L3MBTL3: variants seen among roughly 807,000 people sequenced by gnomAD.
L3MBTL3 encodes the protein L3MBTL histone methyl-lysine binding protein 3.
A neutral mutation model predicts 102.3 loss-of-function variants in L3MBTL3; 27 were observed. The observed-to-expected ratio is 0.26, with a 90% CI of 0.19 to 0.36. The LOEUF (loss-of-function observed/expected upper bound fraction) is 0.36. Ranked by LOEUF, L3MBTL3 falls within the 10% of genes least tolerant of loss-of-function variation. The pLI is 1.00. For missense variants in L3MBTL3, 798 were observed against 955.3 expected, an observed-to-expected ratio of 0.84 and a Z score of 2.17; for synonymous variants, 340 against 320.9, an observed-to-expected ratio of 1.06 and a Z score of -0.64.
intron 17 of L3MBTL3, among the ~76,000 whole-genome samples, chr6:130,093,538 A>C (rs532738251): frequency 6.3e-4 from 96 of 152,334 alleles, no homozygotes; most frequent in Non-Finnish European, 1.2e-3. Context: ...GCCTATTTAG[A>C]ATAACAAAGC....
At chr6:130,081,889 C>A (rs1450496178) in intron 14 of L3MBTL3, among the ~76,000 whole-genome samples, 3 of 152,126 alleles carry the variant, frequency 2.0e-5, no homozygotes, top group African/African-American at 7.2e-5. Flanking sequence ...GTTGTCAGAT[C>A]CCTCCAGCTT....
chr6:130,086,055 C>G, intron 15 of L3MBTL3, 85 bp from the exon 16 acceptor site: 1 of 980,204 alleles, frequency 1.0e-6, no homozygotes, highest in Non-Finnish European at 1.6e-6. Flanking sequence ...GCCTGGCCAG[C>G]TTTTTCTTCT....
intron 19 of L3MBTL3, among the ~76,000 whole-genome samples, chr6:130,108,253 T>TTTTTTTTG (rs1785121699): frequency 8.4e-6 from 1 of 118,450 alleles, no homozygotes; most frequent in Non-Finnish European, 1.8e-5. Flanking sequence ...TTTTTTTTTT[T>TTTTTTTTG]AGATGGAGTC....
chr6:130,093,924 G>T (rs1247134918), intron 17 of L3MBTL3, among the ~76,000 whole-genome samples: 1 of 152,154 alleles, frequency 6.6e-6, no homozygotes, highest in Non-Finnish European at 1.5e-5. Context: ...CTTTAATTAT[G>T]TTATTTACTT....
chr6:130,058,472 T>TAAA (rs111300227), intron 9 of L3MBTL3, among the ~76,000 whole-genome samples: 4 of 132,976 alleles, frequency 3.0e-5, no homozygotes, highest in African/African-American at 5.6e-5. Context: ...ACTCGGCCTC[T>TAAA]AAAAAAAAAA....
intron 1 of L3MBTL3, among the ~76,000 whole-genome samples, chr6:130,018,978 A>C (rs2114349177): frequency 6.6e-6 from 1 of 152,072 alleles, no homozygotes; most frequent in Admixed American, 6.5e-5. Flanking sequence ...TGAAAGAGGA[A>C]CAAAAGAGAG....
chr6:130,039,938 A>T (rs1372149191), intron 2 of L3MBTL3, among the ~76,000 whole-genome samples: 1 of 152,234 alleles, frequency 6.6e-6, no homozygotes, highest in Non-Finnish European at 1.5e-5. Context: ...CTAAAACTTG[A>T]CAGGTGGTGG....
intron 11 of L3MBTL3, among the ~76,000 whole-genome samples, chr6:130,067,057 G>A (rs925080440): frequency 2.6e-5 from 4 of 152,108 alleles, no homozygotes; most frequent in African/African-American, 7.2e-5. Context: ...CCTATTTCAT[G>A]TTTATATCAA....
At chr6:130,092,960 G>C (rs950772061) in intron 17 of L3MBTL3, 101 bp downstream of exon 17, 1 of 686,302 alleles carries the variant, frequency 1.5e-6, no homozygotes, top group Admixed American at 2.4e-5. Context: ...TCTCTCTACT[G>C]ATGTTTCTTC....
Position 130,049,754 on chromosome 6 carries a change from A to G in L3MBTL3, c.215-2A>G. ...TGATGACTCCTAAATCTACATCTCC[A>G]GCCCCGACCTCTCCCCCGAGCTCCA... On this transcript the variant is annotated splice_acceptor_variant, in intron 4 of 22. Coordinates refer to ENST00000361794, the MANE Select transcript of L3MBTL3 (RefSeq NM_032438.4). LOFTEE classifies it high-confidence loss of function. 2 of 1,614,002 alleles carry G rather than the reference A, an allele frequency of 1.2e-6. No individual in the cohort carries two copies. The highest frequency in any genetic ancestry group is 1.7e-6 in the Non-Finnish European group (2 of 1,179,958).
At chr6:130,121,781 C>G (rs1786228166) in intron 20 of L3MBTL3, among the ~76,000 whole-genome samples, 1 of 152,138 alleles carries the variant, frequency 6.6e-6, no homozygotes, top group African/African-American at 2.4e-5. Flanking sequence ...TGTCCTACAT[C>G]TTTGTTAAAA....
chr6:130,058,868 GTAAT>G (rs1426875750), intron 9 of L3MBTL3, among the ~76,000 whole-genome samples: 1 of 152,188 alleles, frequency 6.6e-6, no homozygotes, highest in Non-Finnish European at 1.5e-5. Flanking sequence ...ATCGTGGTAT[GTAAT>G]TAATTTGTCA....
intron 16 of L3MBTL3, among the ~76,000 whole-genome samples, chr6:130,086,866 T>A (rs1783721549): frequency 6.6e-6 from 1 of 152,218 alleles, no homozygotes; most frequent in Non-Finnish European, 1.5e-5. Context: ...ACAATGCCTG[T>A]TCTACTTAAC....
intron 2 of L3MBTL3, among the ~76,000 whole-genome samples, chr6:130,037,939 C>T (rs913294289): frequency 6.6e-6 from 1 of 151,972 alleles, no homozygotes; most frequent in African/African-American, 2.4e-5. Context: ...TCCCTCCCAC[C>T]CCCTTCCTAG....
At chr6:130,080,974 T>A (rs1292727742) in intron 14 of L3MBTL3, among the ~76,000 whole-genome samples, 1 of 152,162 alleles carries the variant, frequency 6.6e-6, no homozygotes, top group Non-Finnish European at 1.5e-5. Flanking sequence ...AAAGAAGGAT[T>A]CTAATCACTG....
chr6:130,080,626 C>A (rs1016400312), intron 14 of L3MBTL3, among the ~76,000 whole-genome samples: 1 of 152,026 alleles, frequency 6.6e-6, no homozygotes, highest in Admixed American at 6.6e-5. Context: ...ACCAAGCCAT[C>A]TATCTCCTTT....
intron 16 of L3MBTL3, among the ~76,000 whole-genome samples, chr6:130,087,703 T>C (rs1402908254): frequency 1.3e-5 from 2 of 152,120 alleles, no homozygotes; most frequent in Non-Finnish European, 2.9e-5. Context: ...GTACTTAACA[T>C]TGGAAGCAAC....
chr6:130,062,553 A>AC (rs1781963291), intron 10 of L3MBTL3, among the ~76,000 whole-genome samples: 1 of 129,072 alleles, frequency 7.7e-6, no homozygotes, highest in East Asian at 2.6e-4. Context: ...ATGCCCAGCT[A>AC]AATTTTTTTT....
In L3MBTL3 at chr6:130,080,710, A is replaced by G. The variant is rs547244992; in HGVS notation, c.1321+2076A>G. Among the ~76,000 whole-genome samples, 17 of 152,372 alleles carry G rather than the reference A, an allele frequency of 1.1e-4. No individual in the cohort carries two copies. In the South Asian group the frequency reaches 3.5e-3, roughly 32 times the overall value. ...ACACATTTTAAAAATTCAAAATTGC[A>G]TGTGAAAATACCAAATACACAACAA... is the stretch of plus-strand genomic sequence containing the variant. On this transcript the variant is annotated intron_variant, in intron 14 of 22. Coordinates refer to ENST00000361794, the MANE Select transcript of L3MBTL3 (RefSeq NM_032438.4).
Sources: allele counts gnomAD v4.1 joint callset (sites outside exome capture counted in the v4.1 genomes callset), GRCh38; gene constraint gnomAD v4.1.1; transcripts MANE v1.5; gene names NCBI Gene and HGNC (gene_info 2026-07-23, HGNC 2026-07-21).